ZFHX3: variants seen among roughly 807,000 people sequenced by gnomAD.
The protein encoded by ZFHX3 is zinc finger homeobox 3.
In ZFHX3, 42 loss-of-function variants were observed where a neutral mutation model predicts 279.1. The observed-to-expected ratio is 0.15, with a 90% CI of 0.12 to 0.19. The LOEUF (loss-of-function observed/expected upper bound fraction) is 0.19, where lower values mean the gene tolerates loss of function less well. ZFHX3 is among the 10% of genes least tolerant of loss of function. ZFHX3 has a pLI of 1.00. For missense variants in ZFHX3, 4,981 were observed against 4,754.0 expected (o/e 1.05, Z -1.40); for synonymous variants, 2,293 against 1,957.8 (o/e 1.17, Z -4.52).
chr16:73,218,553 G>T (rs921537978), intron 5 of ZFHX3, among the ~76,000 whole-genome samples: 1 of 152,198 alleles, frequency 6.6e-6, no homozygotes, highest in Non-Finnish European at 1.5e-5. Context: ...CAGATCACTT[G>T]AGGTCAAGAG....
intron 2 of ZFHX3, among the ~76,000 whole-genome samples, chr16:73,610,549 A>G (rs1194738372): frequency 6.6e-6 from 1 of 152,192 alleles, no homozygotes; most frequent in African/African-American, 2.4e-5. Flanking sequence ...CACAGGAAAA[A>G]CAAACAGTCT....
chr16:73,349,282 C>T (rs1205329831), intron 3 of ZFHX3, among the ~76,000 whole-genome samples: 1 of 152,194 alleles, frequency 6.6e-6, no homozygotes, highest in Admixed American at 6.5e-5. Context: ...ACCATCCTCA[C>T]ACCCTTCCCC....
At position 73,145,110 on chromosome 16, in the gene ZFHX3, G is replaced by T. The variant is rs193301581; in HGVS notation, c.-1103-1279C>A. ...GTACATCGTCCTGTGGTGACAGGCT[G>T]CTGATGGACACGCTTCTGAACTTTC... On this transcript the variant is annotated intron_variant, in intron 5 of 17. Coordinates refer to the ZFHX3 transcript ENST00000641206. 2.9e-3 allele frequency among the ~76,000 whole-genome samples: 440 copies of T among 152,330 alleles called. 5 individuals are homozygous for T. The highest frequency in any genetic ancestry group is 0.01 in the African/African-American group (428 of 41,572).
chr16:73,194,170 C>T (rs1968097395), intron 5 of ZFHX3, among the ~76,000 whole-genome samples: 1 of 152,072 alleles, frequency 6.6e-6, no homozygotes, highest in African/African-American at 2.4e-5. Context: ...TTAGGAACTT[C>T]TTTTTTATTT....
intron 1 of ZFHX3, among the ~76,000 whole-genome samples, chr16:73,777,974 G>A (rs1050930439): frequency 1.3e-5 from 2 of 151,938 alleles, no homozygotes; most frequent in Non-Finnish European, 2.9e-5. Flanking sequence ...TGGCTACACT[G>A]AGCCATGTTC....
At chr16:73,376,043 A>G (rs2016717558) in intron 3 of ZFHX3, among the ~76,000 whole-genome samples, 1 of 152,232 alleles carries the variant, frequency 6.6e-6, no homozygotes, top group Admixed American at 6.5e-5. Flanking sequence ...AAAAGAAGGT[A>G]TATTCAGAGA....
chr16:73,197,157 T>A (rs1358302172), intron 5 of ZFHX3, among the ~76,000 whole-genome samples: 1 of 152,206 alleles, frequency 6.6e-6, no homozygotes, highest in East Asian at 1.9e-4. Context: ...CCCTGCTGAA[T>A]AGAACTGAGT....
Position 72,788,664 on chromosome 16 carries a change from T to TG in ZFHX3, c.9611_9612insC (p.Gln3204HisfsTer35). 6.2e-7 allele frequency: 1 copy of TG among 1,611,688 alleles called. No homozygotes were observed. The highest frequency in any genetic ancestry group is 8.5e-7 in the Non-Finnish European group (1 of 1,178,472). ...GCGGGGGAGGCTGCTGCACCTGTGG[T>TG]TGCTGCTGCTGCTGCTGCTGCTGGG... On this transcript the variant is annotated frameshift_variant, in exon 10 of 10. Coordinates refer to ENST00000268489, the MANE Select transcript of ZFHX3 (RefSeq NM_006885.4). LOFTEE classifies it high-confidence loss of function.
chr16:72,800,149 A>C lies in ZFHX3; in HGVS notation c.3865-20T>G. On this transcript the variant is annotated intron_variant, in intron 7 of 9. Transcript: ENST00000268489. ...GGTCACCTGAGGAGCAAGAGCAAGG[A>C]GAGTCAAATGGAGAGGAAAGCGACA... 5.0e-6 allele frequency: 8 copies of C among 1,598,098 alleles called. No homozygotes were observed. The highest frequency in any genetic ancestry group is 6.9e-6 in the Non-Finnish European group (8 of 1,165,548).
At chr16:73,804,229 C>T (rs981568649) in intron 1 of ZFHX3, among the ~76,000 whole-genome samples, 5 of 152,236 alleles carry the variant, frequency 3.3e-5, no homozygotes, top group African/African-American at 4.8e-5. Flanking sequence ...AAGAGTGGAA[C>T]ATTAGTTACC....
chr16:72,918,917 C>T (rs566432785), intron 3 of ZFHX3, among the ~76,000 whole-genome samples: 1 of 152,018 alleles, frequency 6.6e-6, no homozygotes, highest in African/African-American at 2.4e-5. Flanking sequence ...AGGATGGTCT[C>T]GATCTCCTGA....
intron 3 of ZFHX3, among the ~76,000 whole-genome samples, chr16:72,928,752 T>C (rs190695716): frequency 8.5e-5 from 13 of 152,322 alleles, no homozygotes; most frequent in African/African-American, 2.9e-4. Context: ...CTTGAGGTCA[T>C]GAGTTCAAGA....
chr16:73,197,276 G>A (rs1189904774), intron 5 of ZFHX3, among the ~76,000 whole-genome samples: 1 of 152,130 alleles, frequency 6.6e-6, no homozygotes, highest in Non-Finnish European at 1.5e-5. Context: ...AATGGATAAT[G>A]GCATCAATGG....
chr16:72,939,259 C>G (rs1295465771), intron 3 of ZFHX3, among the ~76,000 whole-genome samples: 1 of 152,158 alleles, frequency 6.6e-6, no homozygotes, highest in Non-Finnish European at 1.5e-5. Flanking sequence ...CATCTCGAGG[C>G]ACAGAGTACC....
chr16:73,509,738 C>CA (rs1255038206), intron 2 of ZFHX3, among the ~76,000 whole-genome samples: 2 of 125,272 alleles, frequency 1.6e-5, no homozygotes, highest in Non-Finnish European at 3.3e-5. Flanking sequence ...CTCTGTTGCC[C>CA]AGGCTGGAGT....
intron 3 of ZFHX3, among the ~76,000 whole-genome samples, chr16:72,925,400 T>C (rs975315891): frequency 6.6e-6 from 1 of 152,202 alleles, no homozygotes; most frequent in Non-Finnish European, 1.5e-5. Flanking sequence ...TCCCTAACTC[T>C]GGAAAGGGCA....
At chr16:73,345,596 T>C (rs2016109391) in intron 3 of ZFHX3, among the ~76,000 whole-genome samples, 1 of 152,210 alleles carries the variant, frequency 6.6e-6, no homozygotes, top group African/African-American at 2.4e-5. Flanking sequence ...CTGCATCATA[T>C]TCCATGGTGT....
At chr16:73,619,650 G>A (rs1318446437) in intron 2 of ZFHX3, among the ~76,000 whole-genome samples, 2 of 151,840 alleles carry the variant, frequency 1.3e-5, no homozygotes, top group Non-Finnish European at 2.9e-5. Flanking sequence ...CCAAATCCAA[G>A]TGTATTTCTA....
rs551375982 is a variant in ZFHX3, at chr16:73,517,823, G to GTGTT, written c.-1546-61569_-1546-61566dup. Among the ~76,000 whole-genome samples the GTGTT allele has an allele frequency of 1.5e-3, 234 of 152,264 alleles. 1 individual carries two copies. The highest frequency in any genetic ancestry group is 5.5e-3 in the African/African-American group (229 of 41,552). On this transcript the variant is annotated intron_variant, in intron 2 of 17. Transcript: ENST00000641206. ...TCCTCAGTTGCTCAGGTCTAAAGCA[G>GTGTT]TGTTTTCTAACAGAAATATCACGTG...
Sources: gnomAD v4.1 joint callset for allele counts (sites outside exome capture counted in the v4.1 genomes callset) on GRCh38, gnomAD v4.1.1 for gene constraint, MANE v1.5 for transcripts, NCBI Gene and HGNC (gene_info 2026-07-23, HGNC 2026-07-21) for gene names.